The following FOLH1 variants were observed in gnomAD, a reference collection of about 807,000 sequenced individuals.
The protein encoded by FOLH1 is folate hydrolase 1.
A neutral mutation model predicts 93.9 loss-of-function variants in FOLH1; 54 were observed. The ratio of observed to expected loss-of-function variants is 0.57; its 90% CI spans 0.46 to 0.72. The LOEUF (loss-of-function observed/expected upper bound fraction) is 0.72. Ranked by LOEUF, FOLH1 falls within the 30% of genes least tolerant of loss-of-function variation. FOLH1 has a pLI of 0.00. For missense variants in FOLH1, 571 were observed against 892.5 expected (o/e 0.64, Z 4.59); for synonymous variants, 249 against 303.6 (o/e 0.82, Z 1.87).
intron 10 of FOLH1, among the ~76,000 whole-genome samples, chr11:49,171,638 T>G (rs1859308888): frequency 6.6e-6 from 1 of 152,154 alleles, no homozygotes; most frequent in African/African-American, 2.4e-5. Flanking sequence ...CAGATATAAC[T>G]GAAAGAAAAT....
intron 9 of FOLH1, 115 bp from the exon 10 acceptor site, chr11:49,173,591 G>A: frequency 1.1e-6 from 1 of 905,666 alleles, no homozygotes; most frequent in Non-Finnish European, 1.5e-6. Flanking sequence ...AAAAAAAAAG[G>A]CTAGGTTCCC....
intron 17 of FOLH1, among the ~76,000 whole-genome samples, chr11:49,149,356 C>A (rs1856196055): frequency 6.6e-6 from 1 of 152,092 alleles, no homozygotes; most frequent in Admixed American, 6.6e-5. Flanking sequence ...ACTTGCTCTG[C>A]CTCAGTGAGG....
At position 49,185,942 on chromosome 11, in the gene FOLH1, A is replaced by G. The variant is rs552253341; in HGVS notation, c.640-87T>C. On this transcript the variant is annotated intron_variant, in intron 5 of 18. Transcript: ENST00000256999. The stretch of plus-strand genomic sequence containing the variant: ...CAATTTTCAATATTACACTTAAATG[A>G]GTACCAGAACTTTATCTTCAACCTT... 2.4e-4 allele frequency: 337 copies of G among 1,433,808 alleles called. 2 individuals are homozygous for G. In the African/African-American group the frequency reaches 4.2e-3, roughly 18 times the overall value. The allele number at this position is 1,433,808 out of a possible 1,614,324, so 88.8% of individuals were successfully genotyped here.
At chr11:49,201,293 G>T in intron 2 of FOLH1, among the ~76,000 whole-genome samples, 1 of 142,710 alleles carries the variant, frequency 7.0e-6, no homozygotes, top group Non-Finnish European at 1.5e-5. Context: ...ATAAACTTTT[G>T]GAACTTCATA....
At chr11:49,158,218 T>G (rs556487625) in intron 13 of FOLH1, among the ~76,000 whole-genome samples, 175 bp from the exon 14 acceptor site, 1 of 152,122 alleles carries the variant, frequency 6.6e-6, no homozygotes, top group Admixed American at 6.6e-5. Context: ...AAAATACTCA[T>G]GTGATTATAT....
At chr11:49,153,198 A>G (rs1856659680) in intron 17 of FOLH1, among the ~76,000 whole-genome samples, 1 of 151,654 alleles carries the variant, frequency 6.6e-6, no homozygotes, top group Admixed American at 6.6e-5. Flanking sequence ...TTCCATCTTA[A>G]AATTTTGTTC....
At chr11:49,195,015 A>T (rs1474382542) in intron 3 of FOLH1, among the ~76,000 whole-genome samples, 4 of 152,122 alleles carry the variant, frequency 2.6e-5, no homozygotes, top group Admixed American at 2.0e-4. Context: ...AAAATGAGAG[A>T]GCACATTAAG....
chr11:49,158,016 C>T lies in FOLH1; in HGVS notation c.1468G>A (p.Gly490Ser), dbSNP rs755407695. ...ELKSPDEGFE[G>S]KSLYESWTKK... ...GTCCAACTTTCATAAAGAGATTTGCCTTCAAAGCCTTCATCAGGGCTTTTC... is the reference window on the plus strand; with the variant it reads ...GTCCAACTTTCATAAAGAGATTTGCTTTCAAAGCCTTCATCAGGGCTTTTC... The change falls in exon 14 of 19, where the codon GGC becomes AGC. Residue 490 changes from glycine (G) to serine (S), a missense_variant. Physicochemically the swap from Gly to Ser is moderately conservative, Grantham distance 56. Coordinates refer to ENST00000256999, the MANE Select transcript of FOLH1 (RefSeq NM_004476.3). 6.0e-5 allele frequency: 95 copies of T among 1,594,608 alleles called. No homozygotes were observed. Among genetic ancestry groups the T allele is most frequent in the Non-Finnish European group, 8.0e-5 (93 of 1,168,666 alleles).
At chr11:49,166,731 T>C (rs1284427097) in intron 12 of FOLH1, among the ~76,000 whole-genome samples, 1 of 152,214 alleles carries the variant, frequency 6.6e-6, no homozygotes, top group African/African-American at 2.4e-5. Context: ...TGTAAAAATA[T>C]AAAACAAGTG....
intron 7 of FOLH1, among the ~76,000 whole-genome samples, chr11:49,181,381 A>T (rs1015818343): frequency 4.7e-4 from 71 of 152,050 alleles, no homozygotes; most frequent in African/African-American, 1.7e-3. Context: ...AAGTGCTGGG[A>T]TTACAAGTGT....
intron 1 of FOLH1, among the ~76,000 whole-genome samples, chr11:49,207,455 C>T (rs1864104517): frequency 6.6e-6 from 1 of 152,200 alleles, no homozygotes. Context: ...CCCTGTTCTT[C>T]TAAATCCCGA....
At chr11:49,194,587 G>C (rs1361322159) in intron 3 of FOLH1, among the ~76,000 whole-genome samples, 1 of 151,840 alleles carries the variant, frequency 6.6e-6, no homozygotes, top group African/African-American at 2.4e-5. Flanking sequence ...AAAAGGAAGA[G>C]TAAAATTCAC....
intron 13 of FOLH1, among the ~76,000 whole-genome samples, chr11:49,160,643 T>C (rs1402023169): frequency 6.6e-6 from 1 of 152,024 alleles, no homozygotes; most frequent in Non-Finnish European, 1.5e-5. Context: ...GGGGTTTCAC[T>C]GTGTTTGCCA....
At chr11:49,197,621 G>C (rs1293224962) in intron 3 of FOLH1, among the ~76,000 whole-genome samples, 3 of 152,132 alleles carry the variant, frequency 2.0e-5, no homozygotes, top group African/African-American at 7.2e-5. Flanking sequence ...TGGAGAACTT[G>C]TCTGTTTTGT....
At chr11:49,173,288 C>T in intron 10 of FOLH1, 69 bp downstream of exon 10, 1 of 1,464,502 alleles carries the variant, frequency 6.8e-7, no homozygotes, top group East Asian at 2.3e-5. Context: ...TATTTTTATA[C>T]TCCCTTTACA....
At chr11:49,165,578 G>C (rs1180599837) in intron 12 of FOLH1, among the ~76,000 whole-genome samples, 2 of 152,200 alleles carry the variant, frequency 1.3e-5, no homozygotes, top group African/African-American at 4.8e-5. Context: ...CAAACTTGGA[G>C]AGGGGACTCT....
chr11:49,204,610 C>T (rs191862), intron 2 of FOLH1, among the ~76,000 whole-genome samples: 27,757 of 152,034 alleles, frequency 0.18, 2,970 homozygotes, highest in African/African-American at 0.28. Flanking sequence ...TAAAGAAGTT[C>T]GAGCTTCAGA....
chr11:49,168,968 AAAGAG>A (rs1291409807), intron 12 of FOLH1, among the ~76,000 whole-genome samples: 2 of 152,090 alleles, frequency 1.3e-5, no homozygotes, highest in African/African-American at 2.4e-5. Context: ...AAAGAAAAGA[AAAGAG>A]AAAAGAAAAC....
intron 10 of FOLH1, among the ~76,000 whole-genome samples, chr11:49,172,813 A>G (rs1032713810): frequency 3.2e-4 from 48 of 152,322 alleles, no homozygotes; most frequent in African/African-American, 1.1e-3. Context: ...AAATGACTAA[A>G]GTGGTGATGT....
Sources: allele counts gnomAD v4.1 joint callset (sites outside exome capture counted in the v4.1 genomes callset), GRCh38; gene constraint gnomAD v4.1.1; transcripts MANE v1.5; gene names NCBI Gene and HGNC (gene_info 2026-07-23, HGNC 2026-07-21).